Variants in ZNF474 observed in about 807,000 individuals in gnomAD.
ZNF474 encodes zinc finger protein 474, also known as 4933409D10Rik.
For synonymous variants in ZNF474, 192 were observed against 162.2 expected (o/e 1.18, Z -1.39); for missense variants, 511 against 433.8 (o/e 1.18, Z -1.58).
At chr5:122,145,810 T>C (rs970621962) in intron 1 of ZNF474, among the ~76,000 whole-genome samples, 2 of 152,370 alleles carry the variant, frequency 1.3e-5, no homozygotes, top group Admixed American at 6.5e-5. Flanking sequence ...ATTTAAGTAA[T>C]ATGCAGCTTG....
intron 1 of ZNF474, among the ~76,000 whole-genome samples, chr5:122,137,861 G>A (rs966082936): frequency 6.6e-6 from 1 of 152,234 alleles, no homozygotes; most frequent in Non-Finnish European, 1.5e-5. Flanking sequence ...AAATGTGACT[G>A]CTCTGAAAAG....
chr5:122,133,836 A>T (rs1755635913), intron 1 of ZNF474, among the ~76,000 whole-genome samples: 1 of 152,240 alleles, frequency 6.6e-6, no homozygotes. Flanking sequence ...CTGAGATTAC[A>T]GGCGTGAGCC....
Position 122,129,702 on chromosome 5 carries a change from A to C in ZNF474, c.-213+19A>C, listed in dbSNP as rs1755533596. 6.6e-6 allele frequency: 1 copy of C among 152,270 alleles called. No individual in the cohort carries two copies. The highest frequency in any genetic ancestry group is 1.5e-5 in the Non-Finnish European group (1 of 68,066). 9.4% of individuals were successfully genotyped at this position (152,270 alleles called of 1,614,324 possible). On this transcript the variant is annotated intron_variant, in intron 1 of 1. Transcript: ENST00000296600. ...TAAAAAGGTAAAGAACAAATGTCACAAGGTGAGGCTCTCGCAGGGTGTGTG... is the reference window on the plus strand; with the variant it reads ...TAAAAAGGTAAAGAACAAATGTCACCAGGTGAGGCTCTCGCAGGGTGTGTG...
At chr5:122,141,952 A>G (rs1261594366) in intron 1 of ZNF474, among the ~76,000 whole-genome samples, 1 of 152,202 alleles carries the variant, frequency 6.6e-6, no homozygotes, top group African/African-American at 2.4e-5. Context: ...ATGTGATTAG[A>G]CTGGGCCCCT....
intron 1 of ZNF474, among the ~76,000 whole-genome samples, chr5:122,151,517 A>T (rs1257568258): frequency 6.6e-6 from 1 of 152,172 alleles, no homozygotes; most frequent in African/African-American, 2.4e-5. Context: ...TTGTCAAGTT[A>T]ACTTTTTGGG....
At chr5:122,146,409 T>C (rs1755990562) in intron 1 of ZNF474, among the ~76,000 whole-genome samples, 1 of 152,178 alleles carries the variant, frequency 6.6e-6, no homozygotes, top group East Asian at 1.9e-4. Context: ...GGAAGTGTGA[T>C]CAATTTCATA....
At chr5:122,135,783 A>T (rs773626495) in intron 1 of ZNF474, among the ~76,000 whole-genome samples, 10 of 152,206 alleles carry the variant, frequency 6.6e-5, no homozygotes, top group Non-Finnish European at 1.5e-4. Flanking sequence ...AATGTGGCAC[A>T]TATACTCAAT....
chr5:122,146,683 T>G (rs1755998573), intron 1 of ZNF474, among the ~76,000 whole-genome samples: 1 of 152,178 alleles, frequency 6.6e-6, no homozygotes, highest in African/African-American at 2.4e-5. Flanking sequence ...AAATAAAAAT[T>G]TACTTTTCTT....
At position 122,152,903 on chromosome 5, in the gene ZNF474, A is replaced by T. The variant is rs142966550; in HGVS notation, c.913A>T (p.Ser305Cys). The change falls in exon 2 of 2, where the codon AGT (serine) becomes TGT (cysteine). Residue 305 changes from serine (S) to cysteine (C), a missense_variant. Physicochemically the swap from Ser to Cys is moderately radical, Grantham distance 112. Transcript: ENST00000296600. ...TSDRLLVHQR[S>C]CKTHPYGPKY... is the part of the protein sequence containing the mutation. ...AGACCGCCTCCTGGTACACCAGAGAAGTTGTAAAACTCATCCTTATGGGCC... is the reference window on the plus strand; with the variant it reads ...AGACCGCCTCCTGGTACACCAGAGATGTTGTAAAACTCATCCTTATGGGCC... 3,049 of 1,613,916 alleles carry T rather than the reference A, an allele frequency of 1.9e-3. 99 individuals carry two copies. In the South Asian group the frequency reaches 0.031, roughly 16 times the overall value.
At chr5:122,150,858 G>C (rs554529092) in intron 1 of ZNF474, among the ~76,000 whole-genome samples, 8 of 152,204 alleles carry the variant, frequency 5.3e-5, no homozygotes, top group African/African-American at 1.7e-4. Context: ...AAGTAGGTAT[G>C]ATACCTTTTT....
chr5:122,135,526 C>T (rs768720759), intron 1 of ZNF474, among the ~76,000 whole-genome samples: 2 of 152,036 alleles, frequency 1.3e-5, no homozygotes, highest in Non-Finnish European at 2.9e-5. Context: ...AAAGGGCAAC[C>T]CTTGTACACT....
Position 122,152,898 on chromosome 5 carries a change from A to G in ZNF474, c.908A>G (p.Gln303Arg), listed in dbSNP as rs1756235675. ...IFTSDRLLVH[Q>R]RSCKTHPYGP... ...ACCTCAGACCGCCTCCTGGTACACC[A>G]GAGAAGTTGTAAAACTCATCCTTAT... Residue 303 changes from glutamine (Q) to arginine (R), a missense_variant, in exon 2 of 2, where the codon CAG (glutamine) becomes CGG (arginine). Gln to Arg is a conservative substitution (Grantham distance 43). Transcript: ENST00000296600. 2.5e-6 allele frequency: 4 copies of G among 1,614,048 alleles called. No homozygotes were observed. Among genetic ancestry groups the G allele is most frequent in the Non-Finnish European group, 1.7e-6 (2 of 1,180,044 alleles).
intron 1 of ZNF474, among the ~76,000 whole-genome samples, chr5:122,149,885 C>CTG (rs35051222): frequency 0.17 from 23,849 of 141,382 alleles, 2,049 homozygotes; most frequent in Middle Eastern, 0.2. Flanking sequence ...AGAATTGACT[C>CTG]TGTGTGTGTG....
chr5:122,145,110 A>G (rs2152605723), intron 1 of ZNF474, among the ~76,000 whole-genome samples: 1 of 152,352 alleles, frequency 6.6e-6, no homozygotes, highest in East Asian at 1.9e-4. Context: ...CCTGACAATT[A>G]GATTGAATGA....
At chr5:122,137,268 C>CA (rs1332692341) in intron 1 of ZNF474, among the ~76,000 whole-genome samples, 1 of 151,554 alleles carries the variant, frequency 6.6e-6, no homozygotes, top group Non-Finnish European at 1.5e-5. Context: ...TGGGCAACAA[C>CA]AGTAGCCCAT....
rs1331316808 is a variant in ZNF474, at chr5:122,152,738, G to C, written c.748G>C (p.Glu250Gln). The change falls in exon 2 of 2, where the codon GAA becomes CAA. Residue 250 changes from glutamate to glutamine, a missense_variant. Physicochemically the swap from Glu to Gln is conservative, Grantham distance 29. Coordinates refer to ENST00000296600, the MANE Select transcript of ZNF474 (RefSeq NM_207317.3). Reference sequence around the variant, plus strand: ...CAAATGCCTGGAAAAGTGGAAAATGGAAAATGACCGGCTCCCTGTGGAGCT... The same window carrying C: ...CAAATGCCTGGAAAAGTGGAAAATGCAAAATGACCGGCTCCCTGTGGAGCT... The part of the protein sequence containing the change: ...EPKCLEKWKM[E>Q]NDRLPVELHQ... 6.2e-7 allele frequency: 1 copy of C among 1,614,090 alleles called. No individual in the cohort carries two copies.
At position 122,152,815 on chromosome 5, in the gene ZNF474, C is replaced by T. The variant is rs1756231644; in HGVS notation, c.825C>T (p.Ser275=). 5.0e-6 allele frequency: 8 copies of T among 1,614,174 alleles called. 1 individual carries two copies. In the East Asian group the frequency reaches 6.7e-5, roughly 13 times the overall value. ...AGCCCCTTCCGAATGCACAGTCCAG[C>T]CAAGCGGGACCAAATCAAGCTCAGC... ...KPQPLPNAQS[S]QAGPNQAQLV... The change falls in exon 2 of 2, where the codon AGC becomes AGT. Residue 275 remains serine, a synonymous_variant. Transcript: ENST00000296600.
At chr5:122,142,197 G>A (rs1346291543) in intron 1 of ZNF474, among the ~76,000 whole-genome samples, 10 of 152,134 alleles carry the variant, frequency 6.6e-5, no homozygotes, top group Admixed American at 6.5e-5. Flanking sequence ...AGCTCAGATA[G>A]ATAGTGGAAA....
chr5:122,151,831 G>A lies in ZNF474; in HGVS notation c.-160G>A, dbSNP rs149629094. ...GGACTTTCCAACATTCCAGACTGCCGTCCTGCAATGAAGCTCTGAGTCACG... is the reference window on the plus strand; with the variant it reads ...GGACTTTCCAACATTCCAGACTGCCATCCTGCAATGAAGCTCTGAGTCACG... On this transcript the variant is annotated 5_prime_UTR_variant, in exon 2 of 2. Coordinates refer to ENST00000296600, the MANE Select transcript of ZNF474 (RefSeq NM_207317.3). The A allele has an allele frequency of 4.2e-3, 3,401 of 812,230 alleles. 96 individuals carry two copies. The highest frequency in any genetic ancestry group is 0.039 in the East Asian group (1,488 of 37,804). The allele number at this position is 812,230 out of a possible 1,614,324, so 50.3% of individuals were successfully genotyped here.
Sources: gnomAD v4.1 joint callset for allele counts (sites outside exome capture counted in the v4.1 genomes callset) on GRCh38, gnomAD v4.1.1 for gene constraint, MANE v1.5 for transcripts, NCBI Gene and HGNC (gene_info 2026-07-23, HGNC 2026-07-21) for gene names.